SCRN1: variants seen among roughly 807,000 people sequenced by gnomAD.
SCRN1 encodes the protein secernin 1.
A neutral mutation model predicts 43.3 loss-of-function variants in SCRN1; 19 were observed. The ratio of observed to expected loss-of-function variants is 0.44; its 90% confidence interval spans 0.31 to 0.64. The LOEUF is 0.64. Ranked by LOEUF, SCRN1 falls within the 30% of genes least tolerant of loss-of-function variation. The pLI, the probability that SCRN1 is intolerant of heterozygous loss-of-function variation, is 0.09. For synonymous variants in SCRN1, 183 were observed against 188.9 expected (o/e 0.97, Z 0.26); for missense variants, 447 against 524.1 (o/e 0.85, Z 1.44).
rs540664443 is a variant in SCRN1 at position 29,949,986 on chromosome 7, C to T, written c.341+5193G>A. On this transcript the variant is annotated intron_variant, in intron 3 of 7. Coordinates refer to ENST00000242059, the MANE Select transcript of SCRN1 (RefSeq NM_014766.5). The stretch of plus-strand genomic sequence containing the variant: ...TCTGGAGGAGCCACTGTGAAGATGC[C>T]GGCTGCAACAGGGAGGCAGGGTCTG... Among the ~76,000 whole-genome samples the T allele has an allele frequency of 5.3e-5, 8 of 152,276 alleles. No individual in the cohort carries two copies. In the South Asian group the frequency reaches 8.3e-4, roughly 16 times the overall value.
intron 3 of SCRN1, among the ~76,000 whole-genome samples, chr7:29,953,467 G>A (rs1167319165): frequency 6.6e-6 from 1 of 151,818 alleles, no homozygotes; most frequent in Non-Finnish European, 1.5e-5. Flanking sequence ...TGGTAATTTT[G>A]CCTGTTCTAT....
chr7:29,979,087 G>A (rs760893100), intron 1 of SCRN1, among the ~76,000 whole-genome samples: 4 of 152,124 alleles, frequency 2.6e-5, no homozygotes, highest in South Asian at 2.1e-4. Flanking sequence ...ATTTTCCGCC[G>A]GGTGTGGTGG....
At chr7:29,930,188 G>T (rs1001768205) in intron 6 of SCRN1, among the ~76,000 whole-genome samples, 3 of 151,796 alleles carry the variant, frequency 2.0e-5, no homozygotes, top group Non-Finnish European at 2.9e-5. Context: ...AATAAATAAG[G>T]TTATCTAAAA....
chr7:29,990,071 T>G, upstream of SCRN1: 1 of 1,517,892 alleles, frequency 6.6e-7, no homozygotes, highest in Non-Finnish European at 8.8e-7. Flanking sequence ...AAACCCGGGC[T>G]TCAAGGAGCC....
At chr7:29,962,332 C>T (rs1322374222) in intron 2 of SCRN1, among the ~76,000 whole-genome samples, 1 of 150,112 alleles carries the variant, frequency 6.7e-6, no homozygotes, top group African/African-American at 2.5e-5. Context: ...AAAATGATTT[C>T]CTGGGACCTC....
At chr7:29,975,414 T>C (rs1159820779) in intron 1 of SCRN1, among the ~76,000 whole-genome samples, 4 of 152,236 alleles carry the variant, frequency 2.6e-5, no homozygotes, top group Non-Finnish European at 4.4e-5. Flanking sequence ...TGTTACACTA[T>C]AGGCCTGAAA....
At chr7:29,938,953 G>T (rs1583658927) in intron 5 of SCRN1, among the ~76,000 whole-genome samples, 1 of 152,180 alleles carries the variant, frequency 6.6e-6, no homozygotes, top group Admixed American at 6.5e-5. Flanking sequence ...CAGCGTATTT[G>T]TTCCTCTATC....
intron 1 of SCRN1, among the ~76,000 whole-genome samples, chr7:29,987,727 G>A (rs751584140): frequency 6.6e-6 from 1 of 152,204 alleles, no homozygotes; most frequent in South Asian, 2.1e-4. Flanking sequence ...AATAATGACA[G>A]ACTTGCTGTT....
rs1332951536 is a variant in SCRN1 at position 29,968,920 on chromosome 7, T to G, written c.148A>C (p.Ser50Arg). 6.2e-7 allele frequency: 1 copy of G among 1,614,106 alleles called. No individual in the cohort carries two copies. Among genetic ancestry groups the G allele is most frequent in the East Asian group, 2.2e-5 (1 of 44,872 alleles). ...YFSAADHEPE[S>R]KVECTYISID... ...AATGCACGGCTTACCTCAACCTTGC[T>G]CTCCGGTTCGTGATCAGCAGCCGAG... The change falls in exon 2 of 8, where the codon AGC becomes CGC. Residue 50 changes from serine (S) to arginine (R), a missense_variant. Physicochemically the swap from Ser to Arg is moderately radical, Grantham distance 110. Coordinates refer to ENST00000242059, the MANE Select transcript of SCRN1 (RefSeq NM_014766.5).
chr7:29,937,207 T>C (rs550391991), intron 5 of SCRN1, among the ~76,000 whole-genome samples: 19 of 152,332 alleles, frequency 1.2e-4, no homozygotes, highest in African/African-American at 3.8e-4. Context: ...CCCACTTCCC[T>C]TGTGACTATG....
intron 6 of SCRN1, among the ~76,000 whole-genome samples, chr7:29,928,196 C>G (rs1469304338): frequency 1.3e-5 from 2 of 152,140 alleles, no homozygotes. Context: ...GAGCCAATAA[C>G]CCTTGCCAGC....
Position 29,968,959 on chromosome 7 carries a change from C to T in SCRN1, c.109G>A (p.Glu37Lys). Residue 37 changes from glutamate to lysine, a missense_variant, in exon 2 of 8, where the codon GAG (glutamate) becomes AAG (lysine). Transcript: ENST00000242059. ...TCAGCAGCCGAGAAATACACAACCTCTTGCACTTCATCTCTGGGCCGGGCT... is the reference window on the plus strand; with the variant it reads ...TCAGCAGCCGAGAAATACACAACCTTTTGCACTTCATCTCTGGGCCGGGCT... Reference protein sequence around the residue: ...NSARPRDEVQEVVYFSAADHE... With the variant: ...NSARPRDEVQKVVYFSAADHE... 6.2e-7 allele frequency: 1 copy of T among 1,614,178 alleles called. No individual in the cohort carries two copies. Among genetic ancestry groups the T allele is most frequent in the Non-Finnish European group, 8.5e-7 (1 of 1,180,038 alleles).
At chr7:29,957,545 G>A (rs1286161108) in intron 2 of SCRN1, among the ~76,000 whole-genome samples, 1 of 152,226 alleles carries the variant, frequency 6.6e-6, no homozygotes, top group African/African-American at 2.4e-5. Context: ...CAAGAGGGAA[G>A]GGGGATATCT....
chr7:29,958,026 C>T (rs1052293075), intron 2 of SCRN1, among the ~76,000 whole-genome samples: 1 of 152,144 alleles, frequency 6.6e-6, no homozygotes, highest in Non-Finnish European at 1.5e-5. Context: ...AGGCCAAACT[C>T]GGAATGGTGA....
chr7:29,975,555 C>G (rs1788800954), intron 1 of SCRN1, among the ~76,000 whole-genome samples: 1 of 152,314 alleles, frequency 6.6e-6, no homozygotes, highest in East Asian at 1.9e-4. Context: ...ATGTATGCAT[C>G]TCATACAGTA....
intron 4 of SCRN1, among the ~76,000 whole-genome samples, chr7:29,943,601 T>C (rs992967904): frequency 2.6e-5 from 4 of 152,148 alleles, no homozygotes; most frequent in African/African-American, 9.7e-5. Context: ...TCTACAGGGT[T>C]GGGGGTGACA....
intron 4 of SCRN1, among the ~76,000 whole-genome samples, chr7:29,942,284 T>C (rs1787583123): frequency 1.3e-5 from 2 of 152,214 alleles, no homozygotes; most frequent in Non-Finnish European, 2.9e-5. Flanking sequence ...ACGGAGTGCA[T>C]TAAATCTTAC....
intron 4 of SCRN1, 98 bp downstream of exon 4, chr7:29,943,879 G>T: frequency 8.9e-7 from 1 of 1,123,470 alleles, no homozygotes; most frequent in Non-Finnish European, 1.3e-6. Context: ...ACCTGCAACG[G>T]CACGTCTTTC....
At chr7:29,979,213 A>G (rs796086639) in intron 1 of SCRN1, among the ~76,000 whole-genome samples, 18 of 152,132 alleles carry the variant, frequency 1.2e-4, no homozygotes, top group African/African-American at 4.3e-4. Flanking sequence ...AAATACAAAA[A>G]TTAGCCAGGC....
Sources: gnomAD v4.1 joint callset for allele counts (sites outside exome capture counted in the v4.1 genomes callset) on GRCh38, gnomAD v4.1.1 for gene constraint, MANE v1.5 for transcripts, NCBI Gene and HGNC (gene_info 2026-07-23, HGNC 2026-07-21) for gene names.